Variants in LPP observed in about 807,000 individuals in gnomAD.
LPP encodes LIM domain containing preferred translocation partner in lipoma, also known as lipoma-preferred partner.
In LPP, 38 loss-of-function variants were observed where a neutral mutation model predicts 60.4. The observed-to-expected ratio is 0.63, with a 90% CI of 0.49 to 0.83. The LOEUF is 0.83. Among genes scored for constraint, LPP ranks in the 40% least tolerant of loss-of-function variants. LPP has a pLI of 0.00. For synonymous variants in LPP, 328 were observed against 290.8 expected (o/e 1.13, Z -1.30); for missense variants, 902 against 783.6 (o/e 1.15, Z -1.80).
In LPP at chr3:188,785,644, C is replaced by T. The variant is rs544423825; in HGVS notation, c.1410+25362C>T. Among the ~76,000 whole-genome samples the T allele has an allele frequency of 4.0e-5, 6 of 150,448 alleles. No homozygotes were observed. The South Asian group carries it at 1.1e-3, about 26-fold the overall frequency. On this transcript the variant is annotated intron_variant, in intron 9 of 11. Coordinates refer to ENST00000617246, the MANE Select transcript of LPP (RefSeq NM_001375462.1). The stretch of plus-strand genomic sequence containing the variant: ...CATTTGGGTTGGTTCCATGATTTTG[C>T]AATTGCGAATTGTGCTGCTATAAAC...
At chr3:188,189,029 A>C (rs1727397579) in intron 1 of LPP, among the ~76,000 whole-genome samples, 1 of 152,188 alleles carries the variant, frequency 6.6e-6, no homozygotes, top group Non-Finnish European at 1.5e-5. Flanking sequence ...GGTGATGATG[A>C]GACACATACA....
intron 7 of LPP, among the ~76,000 whole-genome samples, chr3:188,678,869 A>G (rs1408488004): frequency 6.6e-6 from 1 of 152,212 alleles, no homozygotes; most frequent in Non-Finnish European, 1.5e-5. Context: ...GTTAGATTAT[A>G]AGTCTGCAGA....
At chr3:188,480,317 C>A (rs1233548169) in intron 4 of LPP, among the ~76,000 whole-genome samples, 2 of 152,120 alleles carry the variant, frequency 1.3e-5, no homozygotes, top group African/African-American at 4.8e-5. Context: ...CCTCTTGCAC[C>A]CAGCAAAAAC....
chr3:188,760,695 C>G (rs1392816168), intron 9 of LPP, among the ~76,000 whole-genome samples: 4 of 152,158 alleles, frequency 2.6e-5, no homozygotes, highest in Admixed American at 1.3e-4. Flanking sequence ...TTCAAGGAAA[C>G]TTTACAGAAT....
chr3:188,838,999 G>T (rs1759214010), intron 9 of LPP, among the ~76,000 whole-genome samples: 1 of 152,130 alleles, frequency 6.6e-6, no homozygotes, highest in South Asian at 2.1e-4. Context: ...TGTACATTCT[G>T]CACATGTATC....
chr3:188,461,824 T>C (rs1799029189), intron 4 of LPP, among the ~76,000 whole-genome samples: 2 of 152,152 alleles, frequency 1.3e-5, no homozygotes, highest in Admixed American at 6.5e-5. Context: ...TTGGAAAATT[T>C]AGGCTGTTTT....
At chr3:188,871,126 T>A (rs1253451241) in intron 10 of LPP, among the ~76,000 whole-genome samples, 4 of 152,158 alleles carry the variant, frequency 2.6e-5, no homozygotes, top group Non-Finnish European at 4.4e-5. Flanking sequence ...AGAATTCTTA[T>A]CTTAGAGGAG....
At chr3:188,484,965 A>T (rs1313447742) in intron 5 of LPP, among the ~76,000 whole-genome samples, 1 of 152,160 alleles carries the variant, frequency 6.6e-6, no homozygotes, top group Non-Finnish European at 1.5e-5. Flanking sequence ...TTCAGATCCC[A>T]AAGCCATTTT....
intron 2 of LPP, chr3:188,240,210 T>A (rs568625600): frequency 1.7e-5 from 3 of 178,482 alleles, no homozygotes; most frequent in South Asian, 2.0e-4. Flanking sequence ...TTTCCTTTCA[T>A]AAACTAATTT....
intron 3 of LPP, among the ~76,000 whole-genome samples, chr3:188,348,988 A>G (rs1275066264): frequency 3.3e-5 from 5 of 152,152 alleles, no homozygotes; most frequent in Non-Finnish European, 1.5e-5. Flanking sequence ...ATTTCCTTAG[A>G]AGTTACTATT....
At chr3:188,299,458 C>T (rs1175675488) in intron 2 of LPP, among the ~76,000 whole-genome samples, 3 of 152,170 alleles carry the variant, frequency 2.0e-5, no homozygotes, top group East Asian at 3.9e-4. Flanking sequence ...TTTGAATCTT[C>T]GTCTCTGATT....
intron 4 of LPP, among the ~76,000 whole-genome samples, chr3:188,457,739 A>AT (rs1553903684): frequency 0.11 from 15,231 of 139,958 alleles, 1,532 homozygotes; most frequent in African/African-American, 0.26. Context: ...AAAAAAAAAA[A>AT]ATATATATAT....
At chr3:188,213,036 T>C (rs1218039760) in intron 1 of LPP, 1 of 152,206 alleles carries the variant, frequency 6.6e-6, no homozygotes, top group Non-Finnish European at 1.5e-5. Context: ...TATTTGTATA[T>C]TTTTTAAAAA....
rs140847059 is a variant in LPP at position 188,286,769 on chromosome 3, T to G, written c.-66-54894T>G. Among the ~76,000 whole-genome samples, 390 of 152,292 alleles carry G rather than the reference T, an allele frequency of 2.6e-3. 1 individual carries two copies. Among genetic ancestry groups the G allele is most frequent in the African/African-American group, 9.0e-3 (375 of 41,564 alleles). On this transcript the variant is annotated intron_variant, in intron 2 of 11. Transcript: ENST00000617246. ...CCTCTAATATTAAGCCTGGACCATT[T>G]CAAGCATATATGGAGGATATATATT...
chr3:188,659,920 T>C (rs1854188438), intron 7 of LPP, among the ~76,000 whole-genome samples: 1 of 151,796 alleles, frequency 6.6e-6, no homozygotes, highest in African/African-American at 2.4e-5. Flanking sequence ...CATTTCCTCC[T>C]CATTCTTTGT....
At chr3:188,651,499 T>C (rs1192344439) in intron 7 of LPP, among the ~76,000 whole-genome samples, 1 of 152,242 alleles carries the variant, frequency 6.6e-6, no homozygotes, top group Non-Finnish European at 1.5e-5. Flanking sequence ...TGAAATAGTT[T>C]GTTGTGTATA....
intron 9 of LPP, among the ~76,000 whole-genome samples, chr3:188,826,672 C>A (rs569566141): frequency 7.0e-4 from 106 of 152,170 alleles, no homozygotes; most frequent in African/African-American, 2.5e-3. Flanking sequence ...CACACCAGCA[C>A]CACCAGCATG....
At chr3:188,769,033 A>G (rs1735025193) in intron 9 of LPP, among the ~76,000 whole-genome samples, 1 of 152,210 alleles carries the variant, frequency 6.6e-6, no homozygotes, top group Non-Finnish European at 1.5e-5. Flanking sequence ...TAGTAAGCTG[A>G]CAATATAAAA....
intron 3 of LPP, among the ~76,000 whole-genome samples, chr3:188,380,270 C>G (rs1776507458): frequency 6.6e-6 from 1 of 152,242 alleles, no homozygotes; most frequent in Non-Finnish European, 1.5e-5. Context: ...GAAAATTAAA[C>G]TCGATAGATT....
Sources: gnomAD v4.1 joint callset for allele counts (sites outside exome capture counted in the v4.1 genomes callset) on GRCh38, gnomAD v4.1.1 for gene constraint, MANE v1.5 for transcripts, NCBI Gene and HGNC (gene_info 2026-07-23, HGNC 2026-07-21) for gene names.